NR2F1-AS1: variants seen among roughly 807,000 people sequenced by gnomAD.
NR2F1-AS1 encodes the protein NR2F1 antisense RNA 1.
upstream of NR2F1-AS1, chr5:93,581,307 C>T: frequency 6.6e-6 from 1 of 152,266 alleles, no homozygotes; most frequent in African/African-American, 2.4e-5. Flanking sequence ...TGTCACTCCG[C>T]GCGGCTCCGC....
intron 1 of NR2F1-AS1, among the ~76,000 whole-genome samples, chr5:93,565,166 G>C (rs928499779): frequency 2.0e-5 from 3 of 152,102 alleles, no homozygotes; most frequent in Non-Finnish European, 4.4e-5. Context: ...TATAGTCTTA[G>C]GCAAGTTACT....
chr5:93,582,771 A>AGTGT (rs10645176), upstream of NR2F1-AS1, among the ~76,000 whole-genome samples: 66 of 150,492 alleles, frequency 4.4e-4, no homozygotes, highest in African/African-American at 6.6e-4. Flanking sequence ...TGTGAGCGTA[A>AGTGT]GTGTGTGTGT....
chr5:93,550,202 A>G lies in NR2F1-AS1; in HGVS notation n.638+3559T>C, dbSNP rs142683679. Among the ~76,000 whole-genome samples the G allele has an allele frequency of 1.4e-4, 22 of 152,300 alleles. No homozygotes were observed. In the East Asian group the frequency reaches 4.2e-3, roughly 29 times the overall value. The stretch of plus-strand genomic sequence containing the variant: ...TACAGTTATACTAAAGGAATTTTCT[A>G]CTACTCAGTTGCCAGTAGAGTTATG... On this transcript the variant is annotated intron_variant and non_coding_transcript_variant, in intron 4 of 5. Coordinates refer to ENST00000660523, the Ensembl canonical transcript of NR2F1-AS1.
At chr5:93,470,389 T>C (rs1056941250) in intron 4 of NR2F1-AS1, among the ~76,000 whole-genome samples, 22 of 151,922 alleles carry the variant, frequency 1.4e-4, no homozygotes, top group Admixed American at 1.2e-3. Context: ...CTAAACAAAA[T>C]CATATTTCTC....
At chr5:93,509,828 A>C (rs1472897681) in intron 4 of NR2F1-AS1, among the ~76,000 whole-genome samples, 1 of 151,916 alleles carries the variant, frequency 6.6e-6, no homozygotes, top group African/African-American at 2.4e-5. Context: ...CCTTTTTAAA[A>C]TATTTAAATA....
chr5:93,478,415 GTTTGT>G (rs370769600), intron 4 of NR2F1-AS1, among the ~76,000 whole-genome samples: 2 of 151,996 alleles, frequency 1.3e-5, no homozygotes, highest in African/African-American at 4.8e-5. Flanking sequence ...TTTGTTTTTT[GTTTGT>G]TTTGAGACAG....
At chr5:93,501,214 G>A (rs1751071583) in intron 4 of NR2F1-AS1, among the ~76,000 whole-genome samples, 2 of 151,790 alleles carry the variant, frequency 1.3e-5, no homozygotes, top group Admixed American at 1.3e-4. Context: ...AGAGCCTAAA[G>A]ATGTGACTGA....
intron 4 of NR2F1-AS1, among the ~76,000 whole-genome samples, chr5:93,435,146 G>A (rs1181964613): frequency 6.6e-6 from 1 of 152,134 alleles, no homozygotes; most frequent in Non-Finnish European, 1.5e-5. Flanking sequence ...TTGTTTAATT[G>A]CTATAGTGGT....
intron 4 of NR2F1-AS1, among the ~76,000 whole-genome samples, chr5:93,490,679 G>A (rs1750819861): frequency 6.6e-6 from 1 of 151,628 alleles, no homozygotes; most frequent in South Asian, 2.1e-4. Flanking sequence ...TGGTGGTGAT[G>A]GGAGTGGTGC....
chr5:93,462,082 T>C (rs1445307827), intron 4 of NR2F1-AS1, among the ~76,000 whole-genome samples: 1 of 152,212 alleles, frequency 6.6e-6, no homozygotes, highest in Non-Finnish European at 1.5e-5. Flanking sequence ...TATGTATGTA[T>C]GTGTATATGT....
chr5:93,520,052 T>A (rs954367349), intron 4 of NR2F1-AS1, among the ~76,000 whole-genome samples: 1 of 152,050 alleles, frequency 6.6e-6, no homozygotes, highest in Non-Finnish European at 1.5e-5. Context: ...CATTCACTAC[T>A]ATTTTCAGTA....
chr5:93,430,526 T>C (rs534755717), intron 4 of NR2F1-AS1, among the ~76,000 whole-genome samples: 2 of 152,176 alleles, frequency 1.3e-5, no homozygotes, highest in Admixed American at 1.3e-4. Context: ...TGTCGATATA[T>C]ACATATACAC....
intron 4 of NR2F1-AS1, among the ~76,000 whole-genome samples, chr5:93,531,500 T>C (rs1337079859): frequency 1.3e-5 from 2 of 152,222 alleles, no homozygotes; most frequent in African/African-American, 2.4e-5. Context: ...AATTTCCTAA[T>C]AAAATGTTTT....
At chr5:93,575,623 C>A (rs553792643) in intron 1 of NR2F1-AS1, among the ~76,000 whole-genome samples, 1 of 152,284 alleles carries the variant, frequency 6.6e-6, no homozygotes, top group East Asian at 1.9e-4. Context: ...ATCTCCTCCC[C>A]CTGAAGAGAA....
At position 93,444,878 on chromosome 5, in the gene NR2F1-AS1, A is replaced by C. The variant is rs541889468; in HGVS notation, n.639-49336T>G. On this transcript the variant is annotated intron_variant and non_coding_transcript_variant, in intron 4 of 5. Transcript: ENST00000660523. ...TCAGACCACAGTGCAATCAAACTGG[A>C]ATTGAGGATTAAGAAACTCACTCAA... Among the ~76,000 whole-genome samples, 12 of 152,368 alleles carry C rather than the reference A, an allele frequency of 7.9e-5. No homozygotes were observed. In the East Asian group the frequency reaches 1.7e-3, roughly 22 times the overall value.
chr5:93,511,255 G>C (rs1751289788), intron 4 of NR2F1-AS1, among the ~76,000 whole-genome samples: 1 of 152,126 alleles, frequency 6.6e-6, no homozygotes, highest in African/African-American at 2.4e-5. Flanking sequence ...TAAAACAAAA[G>C]GTGAAAGAAG....
chr5:93,498,936 A>C (rs1751019965), intron 4 of NR2F1-AS1, among the ~76,000 whole-genome samples: 1 of 152,164 alleles, frequency 6.6e-6, no homozygotes, highest in African/African-American at 2.4e-5. Flanking sequence ...TTATGAAAGA[A>C]GCACTAAGAT....
At chr5:93,463,315 A>G (rs2149864873) in intron 4 of NR2F1-AS1, among the ~76,000 whole-genome samples, 1 of 152,324 alleles carries the variant, frequency 6.6e-6, no homozygotes, top group Non-Finnish European at 1.5e-5. Context: ...ACCTGTGGGT[A>G]CACAGAAGTA....
At chr5:93,508,346 A>G (rs1226923874) in intron 4 of NR2F1-AS1, among the ~76,000 whole-genome samples, 2 of 152,156 alleles carry the variant, frequency 1.3e-5, no homozygotes, top group Admixed American at 6.5e-5. Flanking sequence ...TTGGTACGCT[A>G]TATTAGAAAG....
Sources: gnomAD v4.1 joint callset for allele counts (sites outside exome capture counted in the v4.1 genomes callset) on GRCh38, gnomAD v4.1.1 for gene constraint, MANE v1.5 for transcripts, NCBI Gene and HGNC (gene_info 2026-07-23, HGNC 2026-07-21) for gene names.